KCNH5: variants seen among roughly 807,000 people sequenced by gnomAD.
KCNH5 encodes the protein potassium voltage-gated channel subfamily H member 5, also known as voltage-gated delayed rectifier potassium channel KCNH5.
Under a neutral mutation model 96.1 loss-of-function variants are expected in KCNH5, and 46 were observed. That is an observed-to-expected ratio of 0.48 (90% CI 0.38 to 0.61). The LOEUF (loss-of-function observed/expected upper bound fraction) is 0.61. Among genes scored for constraint, KCNH5 ranks in the 20% least tolerant of loss-of-function variants. KCNH5 has a pLI of 0.00. For missense variants in KCNH5, 907 were observed against 1,225.8 expected (o/e 0.74, Z 3.88); for synonymous variants, 439 against 449.8 (o/e 0.98, Z 0.30).
At chr14:62,834,518 T>A (rs753920213) in intron 8 of KCNH5, among the ~76,000 whole-genome samples, 1 of 151,942 alleles carries the variant, frequency 6.6e-6, no homozygotes, top group East Asian at 1.9e-4. Flanking sequence ...TACTTCAGAT[T>A]TTGATGAGCC....
At chr14:63,035,171 A>C (rs1891700028) in intron 1 of KCNH5, among the ~76,000 whole-genome samples, 1 of 152,198 alleles carries the variant, frequency 6.6e-6, no homozygotes, top group Admixed American at 6.5e-5. Flanking sequence ...GTATATATTT[A>C]ATGTTTAAGC....
In KCNH5 at chr14:62,977,237, C is replaced by T. The variant is rs149388670; in HGVS notation, c.942+3635G>A. 5.5e-4 allele frequency among the ~76,000 whole-genome samples: 84 copies of T among 152,008 alleles called. No homozygotes were observed. The East Asian group carries it at 0.013, about 24-fold the overall frequency. On this transcript the variant is annotated intron_variant, in intron 6 of 10. Transcript: ENST00000322893. ...AAAAAATTAGCCGAGTGTGGTGGTG[C>T]GCGCCTCTAGTCCCAGCTGCTGGGG...
chr14:62,957,593 C>T (rs1233634693), intron 6 of KCNH5, among the ~76,000 whole-genome samples: 1 of 152,210 alleles, frequency 6.6e-6, no homozygotes, highest in African/African-American at 2.4e-5. Flanking sequence ...TAAATCTAGA[C>T]TGACTTTAGG....
intron 7 of KCNH5, among the ~76,000 whole-genome samples, chr14:62,854,873 C>A (rs939020942): frequency 1.3e-5 from 2 of 149,106 alleles, no homozygotes; most frequent in African/African-American, 4.9e-5. Context: ...GGAATATAGA[C>A]CTTGCCTCTC....
intron 10 of KCNH5, among the ~76,000 whole-genome samples, chr14:62,724,968 C>A (rs1342969606): frequency 6.6e-6 from 1 of 152,180 alleles, no homozygotes; most frequent in African/African-American, 2.4e-5. Flanking sequence ...ACGAAGTACA[C>A]CTTGAGCTGT....
intron 8 of KCNH5, among the ~76,000 whole-genome samples, chr14:62,823,962 T>C (rs1485158426): frequency 6.6e-6 from 1 of 151,942 alleles, no homozygotes; most frequent in Non-Finnish European, 1.5e-5. Flanking sequence ...CAAACGAATC[T>C]TTCTATGCAG....
intron 10 of KCNH5, among the ~76,000 whole-genome samples, chr14:62,727,941 C>T (rs1222454912): frequency 6.7e-6 from 1 of 150,134 alleles, no homozygotes; most frequent in Non-Finnish European, 1.5e-5. Flanking sequence ...ATTCTCCTTG[C>T]AAAATGCACT....
chr14:62,701,648 A>G lies in KCNH5; in HGVS notation c.*5860T>C, dbSNP rs1884349633. On this transcript the variant is annotated 3_prime_UTR_variant, in exon 11 of 11. Transcript: ENST00000322893. The stretch of plus-strand genomic sequence containing the variant: ...TGGCTCAGTTATTAGCCAAGTGAAA[A>G]CAAGATGGTTTGGGCTGAAGATTCC... The G allele has an allele frequency of 6.6e-6, 1 of 152,112 alleles. No homozygotes were observed. The highest frequency in any genetic ancestry group is 1.5e-5 in the Non-Finnish European group (1 of 67,982). The allele number at this position is 152,112 out of a possible 1,614,324, so 9.4% of individuals were successfully genotyped here. A position where few individuals can be genotyped will look rare whatever the true frequency, so the allele number is the denominator to read the frequency against.
intron 6 of KCNH5, among the ~76,000 whole-genome samples, chr14:62,958,139 T>G (rs534023814): frequency 6.6e-6 from 1 of 152,204 alleles, no homozygotes; most frequent in East Asian, 1.9e-4. Context: ...GATATGGGTG[T>G]GTAAAGTAAG....
intron 1 of KCNH5, among the ~76,000 whole-genome samples, chr14:63,023,936 G>A (rs1030330252): frequency 2.6e-5 from 4 of 152,062 alleles, no homozygotes; most frequent in Admixed American, 6.6e-5. Context: ...CAGGCTGGGC[G>A]TGGTTGCTCA....
chr14:62,858,420 T>C (rs542842535), intron 7 of KCNH5, among the ~76,000 whole-genome samples: 2 of 152,306 alleles, frequency 1.3e-5, no homozygotes, highest in Non-Finnish European at 2.9e-5. Flanking sequence ...ATCTCCTGTA[T>C]TCCATGCATA....
intron 1 of KCNH5, among the ~76,000 whole-genome samples, chr14:63,029,830 ATTC>A (rs1428053087): frequency 6.6e-6 from 1 of 152,052 alleles, no homozygotes; most frequent in Non-Finnish European, 1.5e-5. Flanking sequence ...AGTCATGAAA[ATTC>A]TTATTACAAC....
intron 8 of KCNH5, among the ~76,000 whole-genome samples, chr14:62,807,615 A>G (rs1355575668): frequency 6.6e-6 from 1 of 152,148 alleles, no homozygotes; most frequent in Non-Finnish European, 1.5e-5. Flanking sequence ...CCTTAAAGCC[A>G]TTAGATTATA....
chr14:62,709,486 C>T (rs984355950), intron 10 of KCNH5, among the ~76,000 whole-genome samples: 2 of 151,986 alleles, frequency 1.3e-5, no homozygotes. Context: ...TAAACTGCCT[C>T]GAAAACTCAT....
At chr14:62,792,328 T>C (rs1886453185) in intron 9 of KCNH5, among the ~76,000 whole-genome samples, 1 of 151,542 alleles carries the variant, frequency 6.6e-6, no homozygotes, top group Non-Finnish European at 1.5e-5. Flanking sequence ...CGTAGATTTT[T>C]TTTACACACA....
At chr14:63,001,019 G>A (rs1437257938) in intron 4 of KCNH5, among the ~76,000 whole-genome samples, 13 of 152,154 alleles carry the variant, frequency 8.5e-5, no homozygotes, top group Admixed American at 7.2e-4. Context: ...AAATTTCAGT[G>A]AGCTGAAATG....
At chr14:62,712,056 G>A (rs1345781932) in intron 10 of KCNH5, among the ~76,000 whole-genome samples, 3 of 152,144 alleles carry the variant, frequency 2.0e-5, no homozygotes, top group Admixed American at 6.5e-5. Flanking sequence ...AGTGAGAGGA[G>A]AAGCAGGTGC....
At chr14:62,876,540 T>C (rs1161420946) in intron 7 of KCNH5, among the ~76,000 whole-genome samples, 1 of 152,226 alleles carries the variant, frequency 6.6e-6, no homozygotes, top group Non-Finnish European at 1.5e-5. Context: ...AATCCAGTTT[T>C]ATTTCTATAC....
chr14:62,940,861 T>C (rs924928430), intron 7 of KCNH5, among the ~76,000 whole-genome samples: 2 of 152,208 alleles, frequency 1.3e-5, no homozygotes, highest in African/African-American at 2.4e-5. Flanking sequence ...AAGTAGGAGA[T>C]AATGCTTTGT....
Sources: allele counts gnomAD v4.1 joint callset (sites outside exome capture counted in the v4.1 genomes callset), GRCh38; gene constraint gnomAD v4.1.1; transcripts MANE v1.5; gene names NCBI Gene and HGNC (gene_info 2026-07-23, HGNC 2026-07-21).